GUCY1A2: variants seen among roughly 807,000 people sequenced by gnomAD.
GUCY1A2 encodes guanylate cyclase soluble subunit alpha-2.
In GUCY1A2, 27 loss-of-function variants were observed where a neutral mutation model predicts 63.5. The observed-to-expected ratio is 0.43, with a 90% CI of 0.31 to 0.59. GUCY1A2 has a LOEUF of 0.59. GUCY1A2 is among the 20% of genes least tolerant of loss of function. The pLI is 0.11. For missense variants in GUCY1A2, 768 were observed against 913.3 expected (o/e 0.84, Z 2.05); for synonymous variants, 364 against 343.5 (o/e 1.06, Z -0.66).
In GUCY1A2 at chr11:106,913,111, A is replaced by T. The variant is rs1346833806; in HGVS notation, c.1206+26349T>A. On this transcript the variant is annotated intron_variant, in intron 4 of 7. Coordinates refer to ENST00000526355, the MANE Select transcript of GUCY1A2 (RefSeq NM_000855.3). ...GTTGATGTTTTGCTTATGTTGTGGA[A>T]TTTTTTTCAAAAGATATATATATAT... Among the ~76,000 whole-genome samples the T allele has an allele frequency of 5.7e-5, 6 of 105,514 alleles. No homozygotes were observed. The Admixed American group carries it at 7.0e-4, about 12-fold the overall frequency. 69.2% of individuals were successfully genotyped at this position (105,514 alleles called of 152,430 possible).
rs1321240807 is a variant in GUCY1A2, at chr11:106,810,493, T to G, written c.1207-15A>C. Reference sequence around the variant, plus strand: ...ACTTCCATCACCTGTGAAATTAACATGGAATTTTGATCAGTACTCTTCACA... The same window carrying G: ...ACTTCCATCACCTGTGAAATTAACAGGGAATTTTGATCAGTACTCTTCACA... On this transcript the variant is annotated splice_polypyrimidine_tract_variant and intron_variant, in intron 4 of 7. Coordinates refer to ENST00000526355, the MANE Select transcript of GUCY1A2 (RefSeq NM_000855.3). 1.9e-6 allele frequency: 3 copies of G among 1,583,444 alleles called. No homozygotes were observed. The highest frequency in any genetic ancestry group is 1.7e-4 in the Middle Eastern group (1 of 5,876).
At chr11:106,935,782 G>A (rs1489266080) in intron 4 of GUCY1A2, among the ~76,000 whole-genome samples, 1 of 151,458 alleles carries the variant, frequency 6.6e-6, no homozygotes, top group African/African-American at 2.4e-5. Context: ...GGGAGGTGGA[G>A]GTTGCGGTAA....
chr11:106,856,121 C>A (rs545733039), intron 4 of GUCY1A2, among the ~76,000 whole-genome samples: 1 of 148,958 alleles, frequency 6.7e-6, no homozygotes, highest in Non-Finnish European at 1.5e-5. Flanking sequence ...TTTTTGGAGA[C>A]AGAGTTAAAA....
At chr11:106,969,580 C>A (rs980068906) in intron 3 of GUCY1A2, among the ~76,000 whole-genome samples, 1 of 150,296 alleles carries the variant, frequency 6.7e-6, no homozygotes, top group East Asian at 1.9e-4. Context: ...CAAAAAAAAA[C>A]AGTATTTCAA....
intron 1 of GUCY1A2, 57 bp from the exon 2 acceptor site, chr11:106,986,188 CTG>C (rs1861398938): frequency 1.2e-6 from 1 of 859,226 alleles, no homozygotes; most frequent in Non-Finnish European, 2.0e-6. Flanking sequence ...ACCATTCCCA[CTG>C]TGAGTATCGT....
At chr11:106,698,077 T>C (rs1015763523) in intron 7 of GUCY1A2, among the ~76,000 whole-genome samples, 2 of 151,038 alleles carry the variant, frequency 1.3e-5, no homozygotes, top group African/African-American at 4.9e-5. Flanking sequence ...TCCTCTGTTA[T>C]GTAAGTTGAA....
intron 4 of GUCY1A2, among the ~76,000 whole-genome samples, chr11:106,851,671 T>C (rs1350643620): frequency 2.6e-5 from 4 of 151,980 alleles, no homozygotes; most frequent in Admixed American, 2.6e-4. Flanking sequence ...AATATGTGGA[T>C]TTACTTCTCT....
intron 4 of GUCY1A2, among the ~76,000 whole-genome samples, chr11:106,859,902 T>C (rs1402999291): frequency 1.3e-5 from 2 of 151,938 alleles, no homozygotes; most frequent in Non-Finnish European, 2.9e-5. Flanking sequence ...TGTGTAAGTA[T>C]ACTCTATGAT....
intron 1 of GUCY1A2, among the ~76,000 whole-genome samples, chr11:107,005,020 G>C (rs1199799678): frequency 1.3e-5 from 2 of 152,174 alleles, no homozygotes; most frequent in Admixed American, 6.6e-5. Flanking sequence ...AATATTGTGA[G>C]TATTTAATGG....
chr11:106,952,712 C>G (rs2120030413), intron 3 of GUCY1A2, among the ~76,000 whole-genome samples: 1 of 152,084 alleles, frequency 6.6e-6, no homozygotes, highest in South Asian at 2.1e-4. Context: ...ACACTCTCAG[C>G]TCACTGAAAC....
At chr11:106,835,024 T>A in intron 4 of GUCY1A2, among the ~76,000 whole-genome samples, 1 of 151,804 alleles carries the variant, frequency 6.6e-6, no homozygotes, top group East Asian at 1.9e-4. Flanking sequence ...AAATATAAGG[T>A]AACAATCAAC....
chr11:106,899,487 T>C (rs1205122383), intron 4 of GUCY1A2, among the ~76,000 whole-genome samples: 1 of 152,196 alleles, frequency 6.6e-6, no homozygotes, highest in African/African-American at 2.4e-5. Flanking sequence ...TGTAAATTAA[T>C]TTAGACATAA....
At chr11:106,920,145 G>A (rs549536265) in intron 4 of GUCY1A2, among the ~76,000 whole-genome samples, 19 of 147,810 alleles carry the variant, frequency 1.3e-4, no homozygotes, top group African/African-American at 4.6e-4. Context: ...TTAGGGGAAC[G>A]CCATTAAAAA....
intron 4 of GUCY1A2, among the ~76,000 whole-genome samples, chr11:106,896,209 G>A (rs1332893952): frequency 6.6e-6 from 1 of 151,614 alleles, no homozygotes; most frequent in Non-Finnish European, 1.5e-5. Flanking sequence ...ATAGGCTAAA[G>A]AAGAAAAACA....
chr11:107,012,429 T>C (rs941679736), intron 1 of GUCY1A2, among the ~76,000 whole-genome samples: 6 of 152,194 alleles, frequency 3.9e-5, no homozygotes, highest in African/African-American at 7.2e-5. Flanking sequence ...AACTATCATC[T>C]ATTGAGTTTA....
chr11:106,743,579 C>T (rs936149414), intron 6 of GUCY1A2, among the ~76,000 whole-genome samples: 2 of 152,154 alleles, frequency 1.3e-5, no homozygotes, highest in East Asian at 1.9e-4. Context: ...ATAACGAACT[C>T]GTGGTTTCCA....
intron 4 of GUCY1A2, among the ~76,000 whole-genome samples, chr11:106,914,824 T>C (rs1284596636): frequency 6.6e-6 from 1 of 152,046 alleles, no homozygotes; most frequent in Non-Finnish European, 1.5e-5. Flanking sequence ...GGACTTCTAG[T>C]TTCAGCTCTA....
At chr11:107,005,954 C>G (rs1327620243) in intron 1 of GUCY1A2, among the ~76,000 whole-genome samples, 1 of 152,176 alleles carries the variant, frequency 6.6e-6, no homozygotes, top group Non-Finnish European at 1.5e-5. Context: ...TTGAAAGTAT[C>G]AGGATAACTG....
At chr11:106,709,461 TAGA>T (rs1294100287) in intron 6 of GUCY1A2, among the ~76,000 whole-genome samples, 42 of 93,078 alleles carry the variant, frequency 4.5e-4, no homozygotes, top group South Asian at 1.1e-3. Context: ...TCTATATTTA[TAGA>T]ATAATATATA....
Sources: allele counts gnomAD v4.1 joint callset (sites outside exome capture counted in the v4.1 genomes callset), GRCh38; gene constraint gnomAD v4.1.1; transcripts MANE v1.5; gene names NCBI Gene and HGNC (gene_info 2026-07-23, HGNC 2026-07-21).